Variants in PPP2R3B observed in about 807,000 individuals in gnomAD.
PPP2R3B encodes the protein protein phosphatase 2 regulatory subunit B''beta.
In PPP2R3B, 68 loss-of-function variants were observed where a neutral mutation model predicts 72.9. That is an observed-to-expected ratio of 0.93 (90% CI 0.77 to 1.14). PPP2R3B has a LOEUF of 1.14. Ranked by LOEUF, PPP2R3B falls within the 50% of genes most tolerant of loss-of-function variation. The probability of loss-of-function intolerance (pLI) is 0.00; values close to 1 mark genes in which losing one functional copy is unlikely to be tolerated. For synonymous variants in PPP2R3B, 466 were observed against 375.8 expected (o/e 1.24, Z -2.78); for missense variants, 1,018 against 842.0 (o/e 1.21, Z -2.59).
At chrX:363,640 A>G (rs1191079082) in intron 1 of PPP2R3B, among the ~76,000 whole-genome samples, 7 of 33,510 alleles carry the variant, frequency 2.1e-4, no homozygotes, top group East Asian at 1.4e-3. Context: ...CCACCATCCC[A>G]CAGTCATCTC....
chrX:350,565 G>A (rs1273598426), intron 2 of PPP2R3B, among the ~76,000 whole-genome samples: 2 of 152,210 alleles, frequency 1.3e-5, no homozygotes, highest in African/African-American at 2.4e-5. Flanking sequence ...ACTGCCCTCC[G>A]GAGAGGGGTG....
In PPP2R3B at chrX:373,001, G is replaced by A. The variant is rs758253981; in HGVS notation, c.325-11411C>T. Among the ~76,000 whole-genome samples, 3 of 152,264 alleles carry A rather than the reference G, an allele frequency of 2.0e-5. No individual in the cohort carries two copies. The East Asian group carries it at 5.8e-4, about 29-fold the overall frequency. ...AAAACCACGCTGCATAAATAGTCCG[G>A]TATGTGAGTGATATCTCAACCGACT... On this transcript the variant is annotated intron_variant, in intron 1 of 12. Transcript: ENST00000390665.
chrX:343,960 A>C (rs1400831192), intron 7 of PPP2R3B, among the ~76,000 whole-genome samples: 1 of 121,086 alleles, frequency 8.3e-6, no homozygotes, highest in Non-Finnish European at 1.7e-5. Context: ...AGACCTCAGC[A>C]ACGGGAGGCG....
intron 1 of PPP2R3B, among the ~76,000 whole-genome samples, chrX:367,953 C>G (rs1043822807): frequency 2.6e-5 from 4 of 152,226 alleles, no homozygotes; most frequent in African/African-American, 7.2e-5. Context: ...TGGAGACAGA[C>G]AGGCCACCAA....
chrX:377,971 T>C (rs372984720), intron 1 of PPP2R3B, among the ~76,000 whole-genome samples: 648 of 97,762 alleles, frequency 6.6e-3, no homozygotes, highest in African/African-American at 0.025. Context: ...ACGGGCCGTC[T>C]ACAGTGGGGC....
chrX:339,035 G>A (rs2070978210), intron 10 of PPP2R3B, 139 bp from the exon 11 acceptor site: 1 of 763,448 alleles, frequency 1.3e-6, no homozygotes, highest in Non-Finnish European at 2.3e-6. Flanking sequence ...TGTTTGACGT[G>A]AAAGGCGGAC....
At chrX:336,202 CAA>C (rs2070884527) in intron 12 of PPP2R3B, 1 of 151,814 alleles carries the variant, frequency 6.6e-6, no homozygotes, top group African/African-American at 2.4e-5. Flanking sequence ...ATAATCTCTG[CAA>C]AGAGAATCCA....
At chrX:346,344 G>A in intron 5 of PPP2R3B, 84 bp from the exon 6 acceptor site, 2 of 1,382,354 alleles carry the variant, frequency 1.4e-6, no homozygotes, top group Non-Finnish European at 2.0e-6. Context: ...CGGGAGAGGG[G>A]CGCGCCCTTG....
intron 1 of PPP2R3B, among the ~76,000 whole-genome samples, chrX:368,300 G>T (rs1387812691): frequency 8.7e-6 from 1 of 115,086 alleles, no homozygotes; most frequent in African/African-American, 3.5e-5. Context: ...GGGCACCGAC[G>T]GGGGGAAGGC....
intron 7 of PPP2R3B, 90 bp downstream of exon 7, chrX:345,426 G>A (rs1350140925): frequency 1.9e-5 from 30 of 1,541,396 alleles, no homozygotes; most frequent in Non-Finnish European, 2.4e-5. Context: ...CTGGGAGTGC[G>A]GAAGGAGAGG....
At chrX:360,785 G>T (rs776835011) in intron 2 of PPP2R3B, among the ~76,000 whole-genome samples, 1 of 152,220 alleles carries the variant, frequency 6.6e-6, no homozygotes, top group Non-Finnish European at 1.5e-5. Flanking sequence ...GTCCAGACAC[G>T]CATCTCTGGT....
At chrX:347,532 G>T (rs897308432) in intron 3 of PPP2R3B, 58 bp downstream of exon 3, 17 of 1,519,068 alleles carry the variant, frequency 1.1e-5, no homozygotes, top group African/African-American at 1.4e-5. Context: ...TGGCACCACG[G>T]GGACCCGGGG....
chrX:367,242 A>C (rs915407829), intron 1 of PPP2R3B, among the ~76,000 whole-genome samples: 7 of 152,102 alleles, frequency 4.6e-5, no homozygotes, highest in Non-Finnish European at 8.8e-5. Context: ...CACATAAATC[A>C]GTGATAACAA....
At chrX:369,091 G>A (rs1214339378) in intron 1 of PPP2R3B, among the ~76,000 whole-genome samples, 2 of 152,222 alleles carry the variant, frequency 1.3e-5, no homozygotes, top group African/African-American at 2.4e-5. Context: ...CTCTCGGGCT[G>A]AGCTGCAGGT....
intron 1 of PPP2R3B, among the ~76,000 whole-genome samples, chrX:369,174 C>T (rs1286796671): frequency 6.6e-6 from 1 of 152,090 alleles, no homozygotes; most frequent in Non-Finnish European, 1.5e-5. Context: ...CAGGCATCTA[C>T]GGTAAACACA....
At chrX:358,993 A>C (rs947990505) in intron 2 of PPP2R3B, among the ~76,000 whole-genome samples, 1 of 143,146 alleles carries the variant, frequency 7.0e-6, no homozygotes, top group African/African-American at 2.6e-5. Context: ...GCGGCCGGGG[A>C]GGGGCATCGT....
At chrX:374,143 G>A (rs1373161519) in intron 1 of PPP2R3B, 1 of 150,806 alleles carries the variant, frequency 6.6e-6, no homozygotes, top group Non-Finnish European at 1.5e-5. Flanking sequence ...TGGGCGGAAC[G>A]CGCATCAACA....
At chrX:383,793 G>A (rs1463962266) in intron 1 of PPP2R3B, among the ~76,000 whole-genome samples, 1 of 128,374 alleles carries the variant, frequency 7.8e-6, no homozygotes, top group Non-Finnish European at 1.6e-5. Context: ...AGCCGAGATC[G>A]CGCCACTGCA....
intron 1 of PPP2R3B, among the ~76,000 whole-genome samples, chrX:382,115 C>T (rs2072139547): frequency 6.6e-6 from 1 of 152,098 alleles, no homozygotes; most frequent in African/African-American, 2.4e-5. Flanking sequence ...TGCCCACGGT[C>T]CACACGCATC....
Sources: allele counts gnomAD v4.1 joint callset (sites outside exome capture counted in the v4.1 genomes callset), GRCh38; gene constraint gnomAD v4.1.1; transcripts MANE v1.5; gene names NCBI Gene and HGNC (gene_info 2026-07-23, HGNC 2026-07-21).